Variants in PITPNB observed in about 807,000 individuals in gnomAD.
PITPNB encodes the protein phosphatidylinositol transfer protein beta isoform.
PITPNB carries 16 observed loss-of-function variants against 45.9 expected under a neutral mutation model. That is an observed-to-expected ratio of 0.35 (90% CI 0.24 to 0.53). The LOEUF (loss-of-function observed/expected upper bound fraction) is 0.53. Ranked by LOEUF, PITPNB falls within the 20% of genes least tolerant of loss-of-function variation. PITPNB has a pLI of 0.93. For synonymous variants in PITPNB, 112 were observed against 108.9 expected (o/e 1.03, Z -0.18); for missense variants, 188 against 330.5 (o/e 0.57, Z 3.34).
At chr22:27,874,875 A>T (rs1176977575) in intron 7 of PITPNB, among the ~76,000 whole-genome samples, 1 of 152,244 alleles carries the variant, frequency 6.6e-6, no homozygotes, top group Non-Finnish European at 1.5e-5. Flanking sequence ...AAATGCCCAG[A>T]TGAGTCAGAT....
chr22:27,864,510 G>A (rs1168114511), intron 8 of PITPNB, among the ~76,000 whole-genome samples: 1 of 152,272 alleles, frequency 6.6e-6, no homozygotes, highest in Middle Eastern at 3.4e-3. Context: ...GTAAAGAAAT[G>A]ATACCACAGA....
At chr22:27,881,459 G>A (rs1389995784) in intron 7 of PITPNB, among the ~76,000 whole-genome samples, 1 of 152,154 alleles carries the variant, frequency 6.6e-6, no homozygotes, top group Non-Finnish European at 1.5e-5. Flanking sequence ...AGACAGAAAT[G>A]AACGTCTAGG....
chr22:27,882,691 T>C (rs1272232952), intron 7 of PITPNB, among the ~76,000 whole-genome samples: 3 of 152,232 alleles, frequency 2.0e-5, no homozygotes, highest in Non-Finnish European at 4.4e-5. Context: ...CTCCGATTAG[T>C]CTTTGAACTT....
intron 8 of PITPNB, among the ~76,000 whole-genome samples, chr22:27,866,923 T>C (rs1468257889): frequency 1.3e-5 from 2 of 152,154 alleles, no homozygotes; most frequent in Non-Finnish European, 2.9e-5. Flanking sequence ...TTACGAAATA[T>C]ATGTGACGTC....
chr22:27,885,007 C>CT (rs111588183), intron 7 of PITPNB, among the ~76,000 whole-genome samples: 56 of 145,068 alleles, frequency 3.9e-4, no homozygotes, highest in Non-Finnish European at 3.8e-4. Flanking sequence ...GTTCCAATTT[C>CT]TTTTTTTTTT....
At chr22:27,861,334 G>A (rs1406329718) in intron 8 of PITPNB, among the ~76,000 whole-genome samples, 3 of 152,176 alleles carry the variant, frequency 2.0e-5, no homozygotes, top group Non-Finnish European at 2.9e-5. Flanking sequence ...TAAATAAACT[G>A]GGGTGGGAGG....
At chr22:27,869,076 TAC>T (rs150737268) in intron 8 of PITPNB, among the ~76,000 whole-genome samples, 24 of 149,772 alleles carry the variant, frequency 1.6e-4, no homozygotes, top group South Asian at 4.2e-4. Context: ...TGGAAACAGG[TAC>T]ACACACACAC....
intron 9 of PITPNB, among the ~76,000 whole-genome samples, chr22:27,859,207 T>G (rs1934250201): frequency 6.6e-6 from 1 of 152,202 alleles, no homozygotes; most frequent in Admixed American, 6.5e-5. Flanking sequence ...GTGACTTCTA[T>G]TTATCAGAAC....
chr22:27,871,480 C>CT (rs1485192592), intron 8 of PITPNB, among the ~76,000 whole-genome samples: 2 of 152,144 alleles, frequency 1.3e-5, no homozygotes, highest in African/African-American at 2.4e-5. Flanking sequence ...ACAAGATGTA[C>CT]TTTTTTAGAA....
intron 3 of PITPNB, among the ~76,000 whole-genome samples, chr22:27,901,317 C>T (rs1387343595): frequency 6.6e-6 from 1 of 152,126 alleles, no homozygotes; most frequent in African/African-American, 2.4e-5. Flanking sequence ...AATCCTATTC[C>T]TGAGATAAAT....
At chr22:27,874,815 G>C (rs562287380) in intron 7 of PITPNB, among the ~76,000 whole-genome samples, 1 of 152,298 alleles carries the variant, frequency 6.6e-6, no homozygotes, top group East Asian at 1.9e-4. Context: ...CAGACTTTCT[G>C]ACTCTGGGGT....
intron 7 of PITPNB, among the ~76,000 whole-genome samples, chr22:27,882,568 T>C (rs1935003347): frequency 6.6e-6 from 1 of 152,250 alleles, no homozygotes; most frequent in Non-Finnish European, 1.5e-5. Flanking sequence ...CTGAGACTTC[T>C]ACAAAGCTGC....
chr22:27,870,209 A>G (rs1028089652), intron 8 of PITPNB, among the ~76,000 whole-genome samples: 1 of 152,186 alleles, frequency 6.6e-6, no homozygotes, highest in African/African-American at 2.4e-5. Flanking sequence ...AAGTTTCTCA[A>G]CTATATAAAA....
At chr22:27,887,837 G>A (rs1448848150) in intron 7 of PITPNB, among the ~76,000 whole-genome samples, 1 of 152,106 alleles carries the variant, frequency 6.6e-6, no homozygotes, top group Non-Finnish European at 1.5e-5. Context: ...CACAGACTGT[G>A]GCAAAGGTAA....
In PITPNB at chr22:27,865,955, A is replaced by G. The variant is rs952032239; in HGVS notation, c.535-5714T>C. On this transcript the variant is annotated intron_variant, in intron 8 of 11. Coordinates refer to ENST00000335272, the MANE Select transcript of PITPNB (RefSeq NM_012399.5). Reference sequence around the variant, plus strand: ...AAATCTGAATTAAGATCTTTGACACATAACTCCAATCCAGCCCAAACCTAA... The same window carrying G: ...AAATCTGAATTAAGATCTTTGACACGTAACTCCAATCCAGCCCAAACCTAA... Among the ~76,000 whole-genome samples, 5 of 152,228 alleles carry G rather than the reference A, an allele frequency of 3.3e-5. No individual in the cohort carries two copies. The East Asian group carries it at 5.8e-4, about 18-fold the overall frequency.
chr22:27,856,733 C>T (rs754133129), intron 10 of PITPNB, among the ~76,000 whole-genome samples: 40 of 152,270 alleles, frequency 2.6e-4, no homozygotes, highest in South Asian at 1.0e-3. Context: ...ATGGGCTTAG[C>T]GTGTTTGGGT....
chr22:27,895,293 G>T (rs983227114), intron 6 of PITPNB, among the ~76,000 whole-genome samples: 1 of 152,102 alleles, frequency 6.6e-6, no homozygotes, highest in Non-Finnish European at 1.5e-5. Flanking sequence ...GGATTACTAA[G>T]AAAAACAACA....
intron 8 of PITPNB, among the ~76,000 whole-genome samples, chr22:27,871,049 G>C (rs1934645030): frequency 1.3e-5 from 2 of 151,862 alleles, no homozygotes; most frequent in African/African-American, 2.4e-5. Flanking sequence ...TTTAACACAG[G>C]GGGGAAAATG....
intron 6 of PITPNB, 69 bp from the exon 7 acceptor site, chr22:27,894,707 C>CT (rs1416563384): frequency 1.1e-6 from 1 of 870,670 alleles, no homozygotes; most frequent in African/African-American, 1.7e-5. Flanking sequence ...CACATATAAT[C>CT]TTTATCTTGA....
Sources: gnomAD v4.1 joint callset for allele counts (sites outside exome capture counted in the v4.1 genomes callset) on GRCh38, gnomAD v4.1.1 for gene constraint, MANE v1.5 for transcripts, NCBI Gene and HGNC (gene_info 2026-07-23, HGNC 2026-07-21) for gene names.